The following PSMD13 variants were observed in gnomAD, a reference collection of about 807,000 sequenced individuals.
PSMD13 encodes 26S proteasome non-ATPase regulatory subunit 13.
PSMD13 carries 8 observed loss-of-function variants against 57.4 expected under a neutral mutation model. That is an observed-to-expected ratio of 0.14 (90% CI 0.08 to 0.25). PSMD13 has a LOEUF of 0.25. Ranked by LOEUF, PSMD13 falls within the 10% of genes least tolerant of loss-of-function variation. The pLI is 1.00. For missense variants in PSMD13, 400 were observed against 461.5 expected, an observed-to-expected ratio of 0.87 and a Z score of 1.22; for synonymous variants, 193 against 168.2, an observed-to-expected ratio of 1.15 and a Z score of -1.14.
At chr11:250,960 C>CTT in intron 10 of PSMD13, 95 bp downstream of exon 10, 2 of 1,098,720 alleles carry the variant, frequency 1.8e-6, no homozygotes, top group Non-Finnish European at 2.8e-6. Flanking sequence ...GCAGTGTGAG[C>CTT]TTTCAGTGGT....
At chr11:250,505 G>T in intron 9 of PSMD13, among the ~76,000 whole-genome samples, 1 of 152,194 alleles carries the variant, frequency 6.6e-6, no homozygotes, top group South Asian at 2.1e-4. Context: ...TTCTCGAAAT[G>T]CCCGTACCCT....
At chr11:250,138 A>G (rs1177001434) in intron 9 of PSMD13, among the ~76,000 whole-genome samples, 2 of 152,084 alleles carry the variant, frequency 1.3e-5, no homozygotes, top group Admixed American at 1.3e-4. Context: ...CCTGTCCAGT[A>G]CTTGTGGCAG....
Position 252,747 on chromosome 11 carries a change from C to T in PSMD13, c.*147C>T, listed in dbSNP as rs569180419. ...GTACAGACTGTTCTTGCTCTAAAAA[C>T]AGGACTGTCCCTGATGGGAGCCAGG... On this transcript the variant is annotated 3_prime_UTR_variant, in exon 13 of 13. Transcript: ENST00000532097. This position sits in a 1 kb window ranked among gnomAD's most constrained non-coding sequence, Gnocchi z 4.1. 1.6e-4 allele frequency: 111 copies of T among 699,770 alleles called. No individual in the cohort carries two copies. In the African/African-American group the frequency reaches 1.8e-3, roughly 11 times the overall value. The allele number at this position is 699,770 out of a possible 1,614,324, so 43.3% of individuals were successfully genotyped here. A position where few individuals can be genotyped will look rare whatever the true frequency, so the allele number is the denominator to read the frequency against.
At position 252,396 on chromosome 11, in the gene PSMD13, T is replaced by C; in HGVS notation, c.1036-109T>C. 6 of 1,006,718 alleles carry C rather than the reference T, an allele frequency of 6.0e-6. No individual in the cohort carries two copies. The highest frequency in any genetic ancestry group is 9.4e-6 in the Non-Finnish European group (6 of 639,548). The allele number at this position is 1,006,718 out of a possible 1,614,324, so 62.4% of individuals were successfully genotyped here. ...GAGGTCCTTTTTACTAGAGCTGCCC[T>C]AGAGAGTTAGCTGGAGATGTAGAGT... On this transcript the variant is annotated intron_variant, in intron 12 of 12. Transcript: ENST00000532097. This position sits in a 1 kb window ranked among gnomAD's most constrained non-coding sequence, Gnocchi z 4.1.
Position 252,140 on chromosome 11 carries a change from A to G in PSMD13, c.1035+204A>G, listed in dbSNP as rs550657592. 6 of 549,952 alleles carry G rather than the reference A, an allele frequency of 1.1e-5. No homozygotes were observed. In the South Asian group the frequency reaches 1.3e-4, roughly 12 times the overall value. 34.1% of individuals were successfully genotyped at this position (549,952 alleles called of 1,614,324 possible). On this transcript the variant is annotated intron_variant, in intron 12 of 12. Coordinates refer to ENST00000532097, the MANE Select transcript of PSMD13 (RefSeq NM_002817.4). This position sits in a 1 kb window ranked among gnomAD's most constrained non-coding sequence, Gnocchi z 4.1. ...GTTTGAACCCTGCATTTAAAAGCTTATGATGACAATGGCACTGGTTGTGCT... is the reference window on the plus strand; with the variant it reads ...GTTTGAACCCTGCATTTAAAAGCTTGTGATGACAATGGCACTGGTTGTGCT...
chr11:250,478 C>T (rs1859747485), intron 9 of PSMD13, among the ~76,000 whole-genome samples: 2 of 152,304 alleles, frequency 1.3e-5, no homozygotes, highest in South Asian at 4.1e-4. Flanking sequence ...CCCAACAGCA[C>T]CTTGACCAGG....
intron 2 of PSMD13, among the ~76,000 whole-genome samples, chr11:240,236 A>G (rs572734397): frequency 6.7e-6 from 1 of 149,958 alleles, no homozygotes; most frequent in African/African-American, 2.4e-5. Flanking sequence ...CAGCGTCCCA[A>G]GTAGCTGGGA....
chr11:249,125 T>C, intron 9 of PSMD13, 68 bp downstream of exon 9: 1 of 1,588,740 alleles, frequency 6.3e-7, no homozygotes, highest in Non-Finnish European at 8.5e-7. Flanking sequence ...CAGATGTTCA[T>C]TGAGCGTCTT....
rs763921477 is a variant in PSMD13, at chr11:252,345, A to G, written c.1036-160A>G. ...TTCCTGTGAAAAGAATTAACCCGGC[A>G]AGTCCCGTCCCACTCCCCCAGCTCA... On this transcript the variant is annotated intron_variant, in intron 12 of 12. Transcript: ENST00000532097. This position sits in a 1 kb window ranked among gnomAD's most constrained non-coding sequence, Gnocchi z 4.1. 8 of 651,176 alleles carry G rather than the reference A, an allele frequency of 1.2e-5. No homozygotes were observed. The highest frequency in any genetic ancestry group is 2.2e-5 in the Non-Finnish European group (8 of 366,534). The allele number at this position is 651,176 out of a possible 1,614,324, so 40.3% of individuals were successfully genotyped here.
chr11:237,690 C>A (rs1859357778), intron 1 of PSMD13, among the ~76,000 whole-genome samples: 1 of 152,212 alleles, frequency 6.6e-6, no homozygotes. Flanking sequence ...GGTGCAACCA[C>A]TTCCGCCGTC....
intron 6 of PSMD13, among the ~76,000 whole-genome samples, chr11:246,900 TGTAA>T (rs1411577452): frequency 4.6e-5 from 7 of 152,242 alleles, no homozygotes; most frequent in Admixed American, 2.6e-4. Flanking sequence ...CTGACTCATT[TGTAA>T]GTGTTTTTAT....
intron 6 of PSMD13, among the ~76,000 whole-genome samples, chr11:245,876 A>G (rs536137601): frequency 5.9e-5 from 9 of 152,268 alleles, no homozygotes; most frequent in African/African-American, 2.2e-4. Context: ...TTTTATTTTC[A>G]AATATTTTAA....
rs536126567 is a variant in PSMD13, at chr11:250,157, C to G, written c.775-646C>G. On this transcript the variant is annotated intron_variant, in intron 9 of 12. Coordinates refer to ENST00000532097, the MANE Select transcript of PSMD13 (RefSeq NM_002817.4). ...TCCAGTACTTGTGGCAGAAATGTCC[C>G]CATCGGGGCTACCTGTGTCAGGATA... Among the ~76,000 whole-genome samples the G allele has an allele frequency of 3.5e-4, 54 of 152,290 alleles. No homozygotes were observed. The South Asian group carries it at 0.01, about 29-fold the overall frequency.
At chr11:241,957 T>C (rs1383601399) in intron 2 of PSMD13, among the ~76,000 whole-genome samples, 1 of 152,140 alleles carries the variant, frequency 6.6e-6, no homozygotes, top group Non-Finnish European at 1.5e-5. Flanking sequence ...TGTATTTTTT[T>C]CTTCAGTGCT....
chr11:244,579 G>C (rs1225580756), intron 5 of PSMD13, 96 bp from the exon 6 acceptor site: 2 of 1,492,208 alleles, frequency 1.3e-6, no homozygotes, highest in Non-Finnish European at 1.9e-6. Flanking sequence ...AAGGCCTCTA[G>C]TCATCAAGGT....
Position 249,071 on chromosome 11 carries a change from G to A in PSMD13, c.774+14G>A, listed in dbSNP as rs376215041. The A allele has an allele frequency of 1.5e-4, 242 of 1,609,604 alleles. No homozygotes were observed. Among genetic ancestry groups the A allele is most frequent in the Middle Eastern group, 2.1e-4 (1 of 4,842 alleles). ...TGGGGCCAGCAGGTAGGACTCCCAC[G>A]ATGCCCAGCCCTTATTCCCCCATGT... On this transcript the variant is annotated intron_variant, in intron 9 of 12. Coordinates refer to ENST00000532097, the MANE Select transcript of PSMD13 (RefSeq NM_002817.4).
At chr11:246,832 A>T (rs916920240) in intron 6 of PSMD13, among the ~76,000 whole-genome samples, 4 of 152,078 alleles carry the variant, frequency 2.6e-5, no homozygotes, top group African/African-American at 9.7e-5. Context: ...TGTGTCCCCA[A>T]ATTTGTCAAT....
At chr11:239,261 A>G (rs1180284961) in intron 2 of PSMD13, among the ~76,000 whole-genome samples, 185 bp downstream of exon 2, 4 of 152,210 alleles carry the variant, frequency 2.6e-5, no homozygotes, top group African/African-American at 9.6e-5. Context: ...CTACTATCTC[A>G]CTTTTTTGAT....
intron 9 of PSMD13, among the ~76,000 whole-genome samples, chr11:249,927 G>T (rs1165782851): frequency 6.6e-6 from 1 of 152,058 alleles, no homozygotes; most frequent in Non-Finnish European, 1.5e-5. Flanking sequence ...GCACTGTGAA[G>T]AGGCAGAAAG....
Sources: allele counts gnomAD v4.1 joint callset (sites outside exome capture counted in the v4.1 genomes callset), GRCh38; gene constraint gnomAD v4.1.1; non-coding constraint Gnocchi (gnomAD v3.1); transcripts MANE v1.5; gene names NCBI Gene and HGNC (gene_info 2026-07-23, HGNC 2026-07-21).